Variants in SCUBE1 observed in about 807,000 individuals in gnomAD.
SCUBE1 encodes the protein signal peptide, CUB domain and EGF like domain containing 1.
SCUBE1 carries 59 observed loss-of-function variants against 124.4 expected under a neutral mutation model. The observed-to-expected ratio is 0.47, with a 90% CI of 0.38 to 0.59. The LOEUF (loss-of-function observed/expected upper bound fraction) is 0.59. SCUBE1 is among the 20% of genes least tolerant of loss of function. The pLI is 0.00. For synonymous variants in SCUBE1, 545 were observed against 550.9 expected, an observed-to-expected ratio of 0.99 and a Z score of 0.15; for missense variants, 1,150 against 1,371.2, an observed-to-expected ratio of 0.84 and a Z score of 2.55.
At position 43,198,732 on chromosome 22, in the gene SCUBE1, G is replaced by A. The variant is rs553675138; in HGVS notation, c.*5265C>T. 6.6e-6 allele frequency: 3 copies of A among 456,574 alleles called. No homozygotes were observed. Among genetic ancestry groups the A allele is most frequent in the African/African-American group, 6.0e-5 (3 of 50,164 alleles). The allele number at this position is 456,574 out of a possible 1,614,324, so 28.3% of individuals were successfully genotyped here. A position where few individuals can be genotyped will look rare whatever the true frequency, so the allele number is the denominator to read the frequency against. On this transcript the variant is annotated 3_prime_UTR_variant, in exon 22 of 22. Transcript: ENST00000360835. Reference sequence around the variant, plus strand: ...GAGGTGAAAATGGCTGGACTCCCTGGGTGAGAAGGAAGGCTTCTCCCTGTG... The same window carrying A: ...GAGGTGAAAATGGCTGGACTCCCTGAGTGAGAAGGAAGGCTTCTCCCTGTG...
chr22:43,198,523 GGTA>G lies in SCUBE1; in HGVS notation c.*5471_*5473del. On this transcript the variant is annotated 3_prime_UTR_variant, in exon 22 of 22. Coordinates refer to ENST00000360835, the MANE Select transcript of SCUBE1 (RefSeq NM_173050.5). ...GTGCTGTGGGGGCAGAGGCAGCCGC[GGTA>G]GAATAGGAGGCGCTCTCTGCTCTCT... 2.2e-6 allele frequency: 1 copy of G among 456,520 alleles called. No individual in the cohort carries two copies. The allele number at this position is 456,520 out of a possible 1,614,324, so 28.3% of individuals were successfully genotyped here. A position where few individuals can be genotyped will look rare whatever the true frequency, so the allele number is the denominator to read the frequency against.
At chr22:43,339,630 C>T (rs1374222649) in intron 1 of SCUBE1, among the ~76,000 whole-genome samples, 22 of 123,168 alleles carry the variant, frequency 1.8e-4, no homozygotes, top group African/African-American at 6.4e-4. Flanking sequence ...ACTCTCCTTA[C>T]TCTATCCCCC....
intron 10 of SCUBE1, among the ~76,000 whole-genome samples, chr22:43,224,488 T>C (rs1369987727): frequency 6.6e-6 from 1 of 152,224 alleles, no homozygotes; most frequent in Non-Finnish European, 1.5e-5. Context: ...GATAACAGGG[T>C]GCTCCTTGGG....
At chr22:43,341,184 C>T (rs1601906451) in intron 1 of SCUBE1, among the ~76,000 whole-genome samples, 1 of 150,324 alleles carries the variant, frequency 6.7e-6, no homozygotes. Flanking sequence ...GGCGGCCTGT[C>T]CTAGACAGCT....
Position 43,215,294 on chromosome 22 carries a change from A to G in SCUBE1, c.1892-1043T>C, listed in dbSNP as rs564758234. Among the ~76,000 whole-genome samples, 195 of 152,328 alleles carry G rather than the reference A, an allele frequency of 1.3e-3. 1 individual carries two copies. The highest frequency in any genetic ancestry group is 4.4e-3 in the African/African-American group (183 of 41,566). On this transcript the variant is annotated intron_variant, in intron 15 of 21. Transcript: ENST00000360835. ...GGGGACACAGTGAGCGCCGAACTAAATAACATCAGGAATGGATCACCACGC... is the reference window on the plus strand; with the variant it reads ...GGGGACACAGTGAGCGCCGAACTAAGTAACATCAGGAATGGATCACCACGC...
At chr22:43,297,878 T>C (rs112801530) in intron 3 of SCUBE1, among the ~76,000 whole-genome samples, 22 of 152,338 alleles carry the variant, frequency 1.4e-4, no homozygotes, top group African/African-American at 5.3e-4. Context: ...ACCCATGTTT[T>C]CATGGCTGTC....
chr22:43,216,893 C>T (rs1489923435), intron 15 of SCUBE1, among the ~76,000 whole-genome samples: 1 of 103,838 alleles, frequency 9.6e-6, no homozygotes, highest in Admixed American at 1.2e-4. Flanking sequence ...CATCTCTTTA[C>T]CAACAGCTTC....
At chr22:43,237,144 T>A (rs1443154066) in intron 7 of SCUBE1, among the ~76,000 whole-genome samples, 3 of 152,108 alleles carry the variant, frequency 2.0e-5, no homozygotes, top group African/African-American at 7.2e-5. Context: ...GCTGTGGACA[T>A]CACTCCTGAG....
intron 6 of SCUBE1, among the ~76,000 whole-genome samples, chr22:43,252,214 C>G (rs1210851925): frequency 6.6e-6 from 1 of 152,228 alleles, no homozygotes; most frequent in African/African-American, 2.4e-5. Context: ...CCGCCGTGCT[C>G]GAGGTATTCT....
intron 3 of SCUBE1, among the ~76,000 whole-genome samples, chr22:43,292,827 T>C (rs1373563102): frequency 6.6e-6 from 1 of 152,194 alleles, no homozygotes; most frequent in Admixed American, 6.5e-5. Flanking sequence ...CCATTATTCT[T>C]TGGCAAGCTC....
chr22:43,243,203 C>T (rs1472037076), intron 6 of SCUBE1, among the ~76,000 whole-genome samples: 3 of 152,190 alleles, frequency 2.0e-5, no homozygotes, highest in Non-Finnish European at 4.4e-5. Flanking sequence ...ATAAGTAAGC[C>T]GGCCAAGGCC....
intron 3 of SCUBE1, among the ~76,000 whole-genome samples, chr22:43,304,950 T>G (rs1435812338): frequency 6.6e-6 from 1 of 151,916 alleles, no homozygotes; most frequent in African/African-American, 2.4e-5. Flanking sequence ...CAAGAGTGAG[T>G]CTAACTAATC....
chr22:43,251,532 C>G (rs1438098332), intron 6 of SCUBE1, among the ~76,000 whole-genome samples: 2 of 152,038 alleles, frequency 1.3e-5, no homozygotes, highest in African/African-American at 2.4e-5. Flanking sequence ...TGAGAGTAAC[C>G]GAGGGAGGCA....
intron 3 of SCUBE1, among the ~76,000 whole-genome samples, chr22:43,308,163 C>A (rs1159414791): frequency 6.6e-6 from 1 of 152,218 alleles, no homozygotes; most frequent in East Asian, 1.9e-4. Flanking sequence ...TAAAGATGTA[C>A]AACACTGTCC....
chr22:43,297,399 T>C (rs559292595), intron 3 of SCUBE1, among the ~76,000 whole-genome samples: 1 of 152,352 alleles, frequency 6.6e-6, no homozygotes, highest in South Asian at 2.1e-4. Context: ...ACCTCCTCAC[T>C]GTGCAGTACC....
intron 6 of SCUBE1, among the ~76,000 whole-genome samples, chr22:43,242,226 T>G (rs1404936636): frequency 6.6e-6 from 1 of 152,178 alleles, no homozygotes; most frequent in East Asian, 1.9e-4. Flanking sequence ...GCTCCGGTGC[T>G]GCTGCTGAGG....
intron 2 of SCUBE1, among the ~76,000 whole-genome samples, chr22:43,329,411 C>T (rs1466445928): frequency 6.6e-6 from 1 of 152,256 alleles, no homozygotes; most frequent in Admixed American, 6.5e-5. Flanking sequence ...AGATCTCCTG[C>T]CCCTGCTGAA....
chr22:43,295,272 ACCCC>A (rs1925515529), intron 3 of SCUBE1, among the ~76,000 whole-genome samples: 3 of 151,632 alleles, frequency 2.0e-5, no homozygotes, highest in African/African-American at 7.3e-5. Flanking sequence ...AATTCACTCC[ACCCC>A]GGCTTCCAGG....
chr22:43,216,077 C>T (rs371007995), intron 15 of SCUBE1, among the ~76,000 whole-genome samples: 10 of 151,920 alleles, frequency 6.6e-5, no homozygotes, highest in East Asian at 3.9e-4. Context: ...GATGGAGTCT[C>T]GCTCTGTCAC....
Sources: gnomAD v4.1 joint callset for allele counts (sites outside exome capture counted in the v4.1 genomes callset) on GRCh38, gnomAD v4.1.1 for gene constraint, MANE v1.5 for transcripts, NCBI Gene and HGNC (gene_info 2026-07-23, HGNC 2026-07-21) for gene names.